FOCAD: variants seen among roughly 807,000 people sequenced by gnomAD.
FOCAD encodes the protein KIAA1797.
A neutral mutation model predicts 225.6 loss-of-function variants in FOCAD; 198 were observed. That is an observed-to-expected ratio of 0.88 (90% CI 0.78 to 0.99). The LOEUF (loss-of-function observed/expected upper bound fraction) is 0.99, where lower values mean the gene tolerates loss of function less well. Ranked by LOEUF, FOCAD falls within the 50% of genes least tolerant of loss-of-function variation. The pLI is 0.00. For synonymous variants in FOCAD, 897 were observed against 755.0 expected (o/e 1.19, Z -3.08); for missense variants, 2,713 against 2,123.6 (o/e 1.28, Z -5.46).
At chr9:20,874,121 A>G (rs1437786056) in intron 18 of FOCAD, 1 of 152,216 alleles carries the variant, frequency 6.6e-6, no homozygotes, top group Non-Finnish European at 1.5e-5. Context: ...ACAGCTACCA[A>G]TTACAGATTT....
chr9:20,944,602 C>G, intron 28 of FOCAD, 25 bp from the exon 29 acceptor site: 1 of 1,605,694 alleles, frequency 6.2e-7, no homozygotes, highest in Middle Eastern at 1.7e-4. Flanking sequence ...ATGATCCTAA[C>G]ATCTTATCTT....
intron 25 of FOCAD, among the ~76,000 whole-genome samples, chr9:20,926,098 T>A (rs1051847461): frequency 2.4e-4 from 36 of 152,048 alleles, no homozygotes; most frequent in Admixed American, 2.0e-3. Flanking sequence ...ACATCTTATT[T>A]CTTTTGGGGC....
chr9:20,837,643 A>T (rs1245984124), intron 15 of FOCAD, among the ~76,000 whole-genome samples: 1 of 152,094 alleles, frequency 6.6e-6, no homozygotes, highest in Admixed American at 6.6e-5. Context: ...TGTTTTGAAA[A>T]GGTTTTGGAA....
chr9:20,922,167 T>G (rs955278663), intron 24 of FOCAD, among the ~76,000 whole-genome samples: 1 of 152,344 alleles, frequency 6.6e-6, no homozygotes, highest in South Asian at 2.1e-4. Flanking sequence ...TGTGTTTTCT[T>G]ATTAGCTATA....
At chr9:20,889,306 T>G (rs1023513747) in intron 21 of FOCAD, among the ~76,000 whole-genome samples, 28 of 152,224 alleles carry the variant, frequency 1.8e-4, no homozygotes, top group African/African-American at 6.0e-4. Context: ...CATGTATTAG[T>G]ACTTCATTCT....
At chr9:20,930,368 A>G (rs1375166587) in intron 27 of FOCAD, among the ~76,000 whole-genome samples, 1 of 152,230 alleles carries the variant, frequency 6.6e-6, no homozygotes, top group Non-Finnish European at 1.5e-5. Flanking sequence ...GGGCTACAAT[A>G]TGAATACTTG....
intron 42 of FOCAD, among the ~76,000 whole-genome samples, chr9:20,992,215 C>A (rs1841733808): frequency 6.6e-6 from 1 of 152,172 alleles, no homozygotes; most frequent in Admixed American, 6.5e-5. Flanking sequence ...CCTGAGAGAT[C>A]AGCCAAACTC....
intron 5 of FOCAD, among the ~76,000 whole-genome samples, chr9:20,741,862 T>C (rs1311635782): frequency 1.3e-5 from 2 of 152,140 alleles, no homozygotes; most frequent in Non-Finnish European, 2.9e-5. Flanking sequence ...GAGTTCAGGA[T>C]AGAAAATAAT....
At chr9:20,987,524 A>G (rs1357510994) in intron 40 of FOCAD, among the ~76,000 whole-genome samples, 1 of 151,950 alleles carries the variant, frequency 6.6e-6, no homozygotes, top group Non-Finnish European at 1.5e-5. Context: ...AAAAAAAAAG[A>G]AATTTTGATT....
intron 15 of FOCAD, among the ~76,000 whole-genome samples, chr9:20,831,718 TA>T (rs1825510945): frequency 6.6e-6 from 1 of 152,058 alleles, no homozygotes; most frequent in Non-Finnish European, 1.5e-5. Flanking sequence ...ATATAATTCA[TA>T]AATATACAAT....
intron 11 of FOCAD, among the ~76,000 whole-genome samples, chr9:20,806,099 C>A (rs1391687716): frequency 6.6e-6 from 1 of 152,092 alleles, no homozygotes; most frequent in Non-Finnish European, 1.5e-5. Flanking sequence ...ACCACTCTTG[C>A]CATGTCATTT....
At chr9:20,977,813 G>A (rs10811444) in intron 36 of FOCAD, among the ~76,000 whole-genome samples, 3 of 151,866 alleles carry the variant, frequency 2.0e-5, no homozygotes, top group African/African-American at 4.8e-5. Flanking sequence ...AATGTGTTCC[G>A]CTATCCCTCT....
chr9:20,878,054 TTACA>T (rs1465458917), intron 19 of FOCAD, among the ~76,000 whole-genome samples: 4 of 152,196 alleles, frequency 2.6e-5, no homozygotes, highest in Non-Finnish European at 4.4e-5. Flanking sequence ...TTCAACATTT[TTACA>T]TACATACACA....
intron 11 of FOCAD, among the ~76,000 whole-genome samples, chr9:20,790,035 T>C (rs1477314213): frequency 6.6e-6 from 1 of 152,228 alleles, no homozygotes; most frequent in Non-Finnish European, 1.5e-5. Context: ...TTTTAACTTC[T>C]TGCAGTTTGA....
At chr9:20,993,229 C>T in intron 42 of FOCAD, 24 bp from the exon 43 acceptor site, 3 of 1,589,100 alleles carry the variant, frequency 1.9e-6, no homozygotes, top group South Asian at 1.1e-5. Flanking sequence ...TCTTCTTTGA[C>T]ACTATTTTTC....
chr9:20,771,991 A>G (rs1818284259), intron 8 of FOCAD, among the ~76,000 whole-genome samples: 1 of 152,182 alleles, frequency 6.6e-6, no homozygotes, highest in Admixed American at 6.5e-5. Context: ...CTTACTCCAA[A>G]TACAGTCACT....
rs915960995 is a variant in FOCAD at position 20,921,953 on chromosome 9, C to G, written c.2853-1707C>G. Among the ~76,000 whole-genome samples the G allele has an allele frequency of 6.6e-5, 10 of 152,240 alleles. No individual in the cohort carries two copies. In the East Asian group the frequency reaches 1.9e-3, roughly 29 times the overall value. On this transcript the variant is annotated intron_variant, in intron 24 of 43. Coordinates refer to ENST00000338382, the MANE Select transcript of FOCAD (RefSeq NM_001375567.1). ...TTTCTACAGAGTAATAAAACTGGGA[C>G]TCTAATACTCAGATCACTCAAAATT...
intron 2 of FOCAD, among the ~76,000 whole-genome samples, chr9:20,667,062 T>C (rs1406890366): frequency 6.6e-6 from 1 of 152,236 alleles, no homozygotes; most frequent in Admixed American, 6.5e-5. Flanking sequence ...TTTGGCAAAT[T>C]TCACAGTTTC....
In FOCAD at chr9:20,885,284, T is replaced by C. The variant is rs576540192; in HGVS notation, c.2625+54T>C. The C allele has an allele frequency of 4.2e-5, 57 of 1,346,170 alleles. No homozygotes were observed. In the Admixed American group the frequency reaches 6.7e-4, roughly 16 times the overall value. The allele number at this position is 1,346,170 out of a possible 1,614,324, so 83.4% of individuals were successfully genotyped here. The stretch of plus-strand genomic sequence containing the variant: ...TTTAGTGTTTTCTCCCTTCATGATA[T>C]GTTTAAGAAGTTGTTTGTTTAGAAA... On this transcript the variant is annotated intron_variant, in intron 21 of 43. Transcript: ENST00000338382.
Sources: allele counts gnomAD v4.1 joint callset (sites outside exome capture counted in the v4.1 genomes callset), GRCh38; gene constraint gnomAD v4.1.1; transcripts MANE v1.5; gene names NCBI Gene and HGNC (gene_info 2026-07-23, HGNC 2026-07-21).